Variants in ABI1 observed in about 807,000 individuals in gnomAD.
ABI1 encodes Abelson interactor 1.
In ABI1, 14 loss-of-function variants were observed where a neutral mutation model predicts 54.6. That is an observed-to-expected ratio of 0.26 (90% CI 0.17 to 0.40). ABI1 has a LOEUF of 0.40. Among genes scored for constraint, ABI1 ranks in the 10% least tolerant of loss-of-function variants. The pLI, the probability that ABI1 is intolerant of heterozygous loss-of-function variation, is 1.00. For synonymous variants in ABI1, 194 were observed against 209.3 expected, an observed-to-expected ratio of 0.93 and a Z score of 0.63; for missense variants, 443 against 598.3, an observed-to-expected ratio of 0.74 and a Z score of 2.71.
Position 26,748,518 on chromosome 10 carries a change from G to A in ABI1, c.*52C>T. 1 of 1,360,920 alleles carries A rather than the reference G, an allele frequency of 7.3e-7. No individual in the cohort carries two copies. The highest frequency in any genetic ancestry group is 1.0e-6 in the Non-Finnish European group (1 of 993,000). The allele number at this position is 1,360,920 out of a possible 1,614,324, so 84.3% of individuals were successfully genotyped here. ...TAAGACAGTTCTGTTAACCATAATA[G>A]TCCCACAGTATGACTGAGTAATAAG... On this transcript the variant is annotated 3_prime_UTR_variant, in exon 11 of 11. Coordinates refer to ENST00000376140, the MANE Select transcript of ABI1 (RefSeq NM_001012750.3).
chr10:26,749,138 G>A (rs1443860162), intron 10 of ABI1, among the ~76,000 whole-genome samples: 3 of 152,154 alleles, frequency 2.0e-5, no homozygotes, highest in Non-Finnish European at 4.4e-5. Context: ...AACAATCCAA[G>A]CTATCTAATT....
In ABI1 at chr10:26,856,433, CAAAAAAAAAA is replaced by C. The variant is rs58195958; in HGVS notation, c.117+4304_117+4313del. Among the ~76,000 whole-genome samples, 512 of 57,776 alleles carry C rather than the reference CAAAAAAAAAA, an allele frequency of 8.9e-3. 4 individuals are homozygous for C. Among genetic ancestry groups the C allele is most frequent in the South Asian group, 0.02 (36 of 1,798 alleles). 37.9% of individuals were successfully genotyped at this position (57,776 alleles called of 152,430 possible). On this transcript the variant is annotated intron_variant, in intron 1 of 10. Transcript: ENST00000376140. ...AACCTCTAACTGTCCATCTGTTACTCAAAAAAAAAAAAAAAAAAAAAAAAAAAAACTGACA... is the reference window on the plus strand; with the variant it reads ...AACCTCTAACTGTCCATCTGTTACTCAAAAAAAAAAAAAAAAAAACTGACA...
chr10:26,751,185 GA>G (rs1191280113), intron 10 of ABI1, among the ~76,000 whole-genome samples: 2 of 152,126 alleles, frequency 1.3e-5, no homozygotes, highest in South Asian at 4.1e-4. Flanking sequence ...TCATAAAGTT[GA>G]AAAGATCCTA....
Position 26,832,379 on chromosome 10 carries a change from A to G in ABI1, c.118-9074T>C, listed in dbSNP as rs902579077. Among the ~76,000 whole-genome samples the G allele has an allele frequency of 5.3e-5, 8 of 152,070 alleles. No individual in the cohort carries two copies. The South Asian group carries it at 1.0e-3, about 20-fold the overall frequency. Reference sequence around the variant, plus strand: ...GGGCGGATCACGAGGTCAGGAGATCAAGACCATCCTGGCTAACACAATGAA... The same window carrying G: ...GGGCGGATCACGAGGTCAGGAGATCGAGACCATCCTGGCTAACACAATGAA... On this transcript the variant is annotated intron_variant, in intron 1 of 10. Coordinates refer to ENST00000376140, the MANE Select transcript of ABI1 (RefSeq NM_001012750.3).
intron 1 of ABI1, among the ~76,000 whole-genome samples, chr10:26,827,123 C>G (rs1473302783): frequency 6.6e-6 from 1 of 152,042 alleles, no homozygotes; most frequent in Non-Finnish European, 1.5e-5. Context: ...TCATGTTGTC[C>G]AGGCTGGTCT....
At chr10:26,804,810 T>C (rs1171735313) in intron 2 of ABI1, among the ~76,000 whole-genome samples, 3 of 152,216 alleles carry the variant, frequency 2.0e-5, no homozygotes, top group African/African-American at 7.2e-5. Context: ...TACACCACAC[T>C]GTCTTATTCT....
intron 3 of ABI1, among the ~76,000 whole-genome samples, chr10:26,771,885 G>A (rs982900773): frequency 2.6e-5 from 4 of 151,844 alleles, no homozygotes; most frequent in Admixed American, 6.6e-5. Context: ...TACACAACAT[G>A]AAACAATGTG....
chr10:26,778,102 C>T (rs1450180562), intron 2 of ABI1, among the ~76,000 whole-genome samples: 2 of 152,020 alleles, frequency 1.3e-5, no homozygotes, highest in Admixed American at 6.6e-5. Flanking sequence ...GAGAGAATAA[C>T]ATCCTGCAGA....
chr10:26,792,365 T>G (rs1843581561), intron 2 of ABI1, among the ~76,000 whole-genome samples: 1 of 152,114 alleles, frequency 6.6e-6, no homozygotes, highest in South Asian at 2.1e-4. Flanking sequence ...GAAAGAAACC[T>G]CATTTTTGCC....
chr10:26,817,883 C>T (rs1027627687), intron 2 of ABI1, among the ~76,000 whole-genome samples: 1 of 152,068 alleles, frequency 6.6e-6, no homozygotes, highest in African/African-American at 2.4e-5. Context: ...TGGCCGGGCA[C>T]GGTGGCTCAT....
At chr10:26,769,457 T>G (rs528797828) in intron 5 of ABI1, among the ~76,000 whole-genome samples, 56 of 152,266 alleles carry the variant, frequency 3.7e-4, no homozygotes, top group African/African-American at 1.3e-3. Flanking sequence ...TTTCGACTAT[T>G]CTGTTTAATA....
intron 2 of ABI1, among the ~76,000 whole-genome samples, chr10:26,780,406 T>C (rs1162015838): frequency 6.6e-6 from 1 of 152,114 alleles, no homozygotes; most frequent in African/African-American, 2.4e-5. Flanking sequence ...TTTTTAAATA[T>C]AATATTTAGT....
chr10:26,767,833 G>A (rs1358603912), intron 6 of ABI1, among the ~76,000 whole-genome samples: 1 of 152,050 alleles, frequency 6.6e-6, no homozygotes, highest in Non-Finnish European at 1.5e-5. Context: ...GATCACCTGA[G>A]GTCAGGAGTT....
chr10:26,828,347 T>A (rs2048443651), intron 1 of ABI1, among the ~76,000 whole-genome samples: 1 of 152,192 alleles, frequency 6.6e-6, no homozygotes, highest in Non-Finnish European at 1.5e-5. Flanking sequence ...AGGTTTGAAA[T>A]ATTTTAAGAA....
chr10:26,794,883 C>T (rs1435772254), intron 2 of ABI1, among the ~76,000 whole-genome samples: 1 of 152,050 alleles, frequency 6.6e-6, no homozygotes, highest in Non-Finnish European at 1.5e-5. Flanking sequence ...GTGGCTCATG[C>T]CTGTAATCCC....
chr10:26,858,537 G>GAAAAAA (rs60132421), intron 1 of ABI1, among the ~76,000 whole-genome samples: 1 of 94,242 alleles, frequency 1.1e-5, no homozygotes, highest in Non-Finnish European at 2.1e-5. Context: ...CACAAAAAAA[G>GAAAAAA]AAAAAAAAAA....
chr10:26,819,185 G>A (rs1050303767), intron 2 of ABI1, among the ~76,000 whole-genome samples: 13 of 151,880 alleles, frequency 8.6e-5, no homozygotes, highest in African/African-American at 3.1e-4. Flanking sequence ...GAGAGAAGCA[G>A]AACAAAGTGT....
chr10:26,839,597 C>G, intron 1 of ABI1: 1 of 568,424 alleles, frequency 1.8e-6, no homozygotes, highest in South Asian at 2.4e-5. Context: ...GTAGTTAACA[C>G]TGTCACAATC....
At chr10:26,813,481 A>G (rs1389319737) in intron 2 of ABI1, among the ~76,000 whole-genome samples, 1 of 152,174 alleles carries the variant, frequency 6.6e-6, no homozygotes, top group East Asian at 1.9e-4. Context: ...TTCTTTTAAA[A>G]TGGGAGCATG....
Sources: gnomAD v4.1 joint callset for allele counts (sites outside exome capture counted in the v4.1 genomes callset) on GRCh38, gnomAD v4.1.1 for gene constraint, MANE v1.5 for transcripts, NCBI Gene and HGNC (gene_info 2026-07-23, HGNC 2026-07-21) for gene names.